FIG4: variants seen among roughly 807,000 people sequenced by gnomAD.
The protein encoded by FIG4 is FIG4 phosphoinositide 5-phosphatase.
In FIG4, 112 loss-of-function variants were observed where a neutral mutation model predicts 118.6. The observed-to-expected ratio is 0.94, with a 90% CI of 0.81 to 1.11. The LOEUF (loss-of-function observed/expected upper bound fraction) is 1.11. FIG4 is among the 50% of genes least tolerant of loss of function. The pLI is 0.00. For synonymous variants in FIG4, 369 were observed against 381.2 expected (o/e 0.97, Z 0.37); for missense variants, 969 against 1,111.7 (o/e 0.87, Z 1.83).
rs1011661560 is a variant in FIG4, at chr6:109,724,132, C to T, written c.290-2977C>T. On this transcript the variant is annotated intron_variant, in intron 3 of 22. Transcript: ENST00000230124. ...AGGCGGGGGGTGGGAGGAGGTTCCA[C>T]GAACAAACGAATCTGGAAAGGCACT... Among the ~76,000 whole-genome samples, 4 of 152,070 alleles carry T rather than the reference C, an allele frequency of 2.6e-5. No homozygotes were observed. The South Asian group carries it at 8.3e-4, about 32-fold the overall frequency.
intron 1 of FIG4, among the ~76,000 whole-genome samples, chr6:109,694,542 G>C (rs1215829977): frequency 1.3e-5 from 2 of 152,164 alleles, no homozygotes; most frequent in Admixed American, 1.3e-4. Flanking sequence ...GATTTTATGA[G>C]TAAGACTTTA....
chr6:109,780,778 G>C (rs541278683), intron 16 of FIG4, among the ~76,000 whole-genome samples: 5 of 152,162 alleles, frequency 3.3e-5, no homozygotes, highest in Non-Finnish European at 5.9e-5. Context: ...TAAGGGAAGA[G>C]GGAATAAACT....
chr6:109,714,522 AATG>A (rs892809801), intron 1 of FIG4, among the ~76,000 whole-genome samples: 18 of 152,230 alleles, frequency 1.2e-4, no homozygotes, highest in African/African-American at 4.1e-4. Flanking sequence ...GGAAAGAAAG[AATG>A]ATGATAATTT....
intron 22 of FIG4, among the ~76,000 whole-genome samples, chr6:109,798,618 C>CCTAGGA (rs2128398751): frequency 6.6e-6 from 1 of 152,248 alleles, no homozygotes; most frequent in South Asian, 2.1e-4. Flanking sequence ...AGCGAGACTA[C>CCTAGGA]AGTGAGAACA....
intron 1 of FIG4, among the ~76,000 whole-genome samples, chr6:109,700,598 C>T (rs1210252027): frequency 1.3e-5 from 2 of 152,160 alleles, no homozygotes; most frequent in African/African-American, 4.8e-5. Context: ...TTGAGTATCC[C>T]TAATCTGAAA....
At chr6:109,741,634 T>A in intron 8 of FIG4, 90 bp downstream of exon 8, 1 of 877,052 alleles carries the variant, frequency 1.1e-6, no homozygotes, top group Non-Finnish European at 1.9e-6. Context: ...TAAGAAGTGG[T>A]ATTTCTTAGT....
chr6:109,786,457 G>T lies in FIG4; in HGVS notation c.2096+8G>T, dbSNP rs1371707841. The T allele has an allele frequency of 1.2e-6, 2 of 1,613,612 alleles. No individual in the cohort carries two copies. The highest frequency in any genetic ancestry group is 4.5e-5 in the East Asian group (2 of 44,870). On this transcript the variant is annotated splice_region_variant and intron_variant, in intron 18 of 22. Transcript: ENST00000230124. Reference sequence around the variant, plus strand: ...TATGACAAGCTCAGCACGGTATGTTGTGTGTATTCTGATACCATAAGTATT... The same window carrying T: ...TATGACAAGCTCAGCACGGTATGTTTTGTGTATTCTGATACCATAAGTATT...
intron 1 of FIG4, among the ~76,000 whole-genome samples, chr6:109,707,372 T>TATACATATATACACATATGTATACATAC (rs1775112850): frequency 2.0e-5 from 3 of 147,604 alleles, no homozygotes; most frequent in Non-Finnish European, 4.5e-5. Context: ...CGTGTATATA[T>TATACATATATACACATATGTATACATAC]ATATACATAT....
intron 22 of FIG4, 116 bp from the exon 23 acceptor site, chr6:109,824,972 C>T: frequency 1.0e-6 from 1 of 978,122 alleles, no homozygotes; most frequent in South Asian, 1.3e-5. Flanking sequence ...AGCAGCTTGT[C>T]AAAAGTCAGC....
intron 18 of FIG4, 83 bp from the exon 19 acceptor site, chr6:109,789,511 G>GT (rs748808948): frequency 7.1e-5 from 70 of 981,840 alleles, no homozygotes; most frequent in Non-Finnish European, 9.9e-5. Context: ...AAGGAATATT[G>GT]TAAGAGTGTG....
intron 22 of FIG4, among the ~76,000 whole-genome samples, chr6:109,821,720 C>T (rs1244410441): frequency 1.3e-5 from 2 of 152,162 alleles, no homozygotes; most frequent in Non-Finnish European, 1.5e-5. Flanking sequence ...CCAAAGCAAT[C>T]GAAACAGCAT....
chr6:109,816,023 A>T, intron 22 of FIG4, among the ~76,000 whole-genome samples: 1 of 152,120 alleles, frequency 6.6e-6, no homozygotes, highest in East Asian at 1.9e-4. Flanking sequence ...TTTAAAAGAT[A>T]AAAAAATACA....
rs186939937 is a variant in FIG4, at chr6:109,764,719, A to G, written c.1435-294A>G. On this transcript the variant is annotated intron_variant, in intron 13 of 22. Coordinates refer to ENST00000230124, the MANE Select transcript of FIG4 (RefSeq NM_014845.6). ...CTAACTGGTAAATTAGCAAATTGTC[A>G]GCTATTTGTTTTATTTTGTTAAACT... 4.9e-4 allele frequency among the ~76,000 whole-genome samples: 74 copies of G among 152,338 alleles called. 1 individual carries two copies. The East Asian group carries it at 8.5e-3, about 17-fold the overall frequency.
At chr6:109,812,924 A>G (rs1448247963) in intron 22 of FIG4, among the ~76,000 whole-genome samples, 2 of 152,192 alleles carry the variant, frequency 1.3e-5, no homozygotes, top group African/African-American at 4.8e-5. Flanking sequence ...CAGGAGAGAG[A>G]TCCTCGAAAA....
At chr6:109,714,752 T>G (rs1775375241) in intron 1 of FIG4, among the ~76,000 whole-genome samples, 1 of 152,228 alleles carries the variant, frequency 6.6e-6, no homozygotes, top group African/African-American at 2.4e-5. Context: ...TACCAGAGCT[T>G]CTTCCTGGTA....
chr6:109,760,109 G>A (rs1407347587), intron 10 of FIG4, 141 bp from the exon 11 acceptor site: 5 of 681,652 alleles, frequency 7.3e-6, no homozygotes, highest in African/African-American at 1.8e-5. Context: ...TATTATTTCT[G>A]ATTATTGTAG....
intron 16 of FIG4, among the ~76,000 whole-genome samples, chr6:109,780,489 G>C (rs886489235): frequency 6.6e-6 from 1 of 152,182 alleles, no homozygotes; most frequent in Admixed American, 6.5e-5. Flanking sequence ...CGGGATTACA[G>C]GTGTGAGCCA....
In FIG4 at chr6:109,716,451, T is replaced by C; in HGVS notation, c.172T>C (p.Tyr58His). The change falls in exon 3 of 23, where the codon TAT becomes CAT. Residue 58 changes from tyrosine to histidine, a missense_variant. Physicochemically the swap from Tyr to His is moderately conservative, Grantham distance 83. Coordinates refer to ENST00000230124, the MANE Select transcript of FIG4 (RefSeq NM_014845.6). ...TAAATGTGCTTATTCTTAGCATGTC[T>C]ATACTCAACAAGAAGTAAGGGAACT... ...DLVIIDDRHV[Y>H]TQQEVRELLG... is the part of the protein sequence containing the mutation. The C allele has an allele frequency of 2.5e-6, 4 of 1,613,684 alleles. No individual in the cohort carries two copies. The highest frequency in any genetic ancestry group is 2.5e-6 in the Non-Finnish European group (3 of 1,179,634).
chr6:109,808,350 C>CAAAAAAAAAAAAAAAA (rs55948419), intron 22 of FIG4, among the ~76,000 whole-genome samples: 4 of 67,044 alleles, frequency 6.0e-5, no homozygotes, highest in Admixed American at 1.9e-4. Context: ...ACACTCACAG[C>CAAAAAAAAAAAAAAAA]AAAAAAAAAA....
Sources: allele counts gnomAD v4.1 joint callset (sites outside exome capture counted in the v4.1 genomes callset), GRCh38; gene constraint gnomAD v4.1.1; transcripts MANE v1.5; gene names NCBI Gene and HGNC (gene_info 2026-07-23, HGNC 2026-07-21).